Variants in TGIF1 observed in about 807,000 individuals in gnomAD.
TGIF1 encodes the protein TGFB induced factor homeobox 1, also known as homeobox protein TGIF1.
In TGIF1, 4 loss-of-function variants were observed where a neutral mutation model predicts 19.3. The observed-to-expected ratio is 0.21, with a 90% CI of 0.10 to 0.47. The LOEUF is 0.47. TGIF1 is among the 20% of genes least tolerant of loss of function. TGIF1 has a pLI of 0.98. For synonymous variants in TGIF1, 122 were observed against 129.3 expected, an observed-to-expected ratio of 0.94 and a Z score of 0.38; for missense variants, 275 against 341.4, an observed-to-expected ratio of 0.81 and a Z score of 1.53.
chr18:3,440,074 G>A (rs1461437747), intron 2 of TGIF1, among the ~76,000 whole-genome samples: 1 of 151,616 alleles, frequency 6.6e-6, no homozygotes, highest in East Asian at 1.9e-4. Flanking sequence ...CCTTGAAAAG[G>A]AGCTCTACTA....
Position 3,454,895 on chromosome 18 carries a change from T to G in TGIF1, c.17-1459T>G, listed in dbSNP as rs552517406. On this transcript the variant is annotated intron_variant, in intron 1 of 2. Coordinates refer to ENST00000343820, the MANE Select transcript of TGIF1 (RefSeq NM_003244.4). ...CCTTCTGCCCCCTGCAGTCCAAAACTAAAAATGTGTCACCAAGTCAGAGTC... is the reference window on the plus strand; with the variant it reads ...CCTTCTGCCCCCTGCAGTCCAAAACGAAAAATGTGTCACCAAGTCAGAGTC... Among the ~76,000 whole-genome samples the G allele has an allele frequency of 3.3e-5, 5 of 152,280 alleles. No homozygotes were observed. The South Asian group carries it at 1.0e-3, about 32-fold the overall frequency.
chr18:3,431,222 G>A lies in TGIF1; in HGVS notation c.-45+13007G>A, dbSNP rs553911695. Reference sequence around the variant, plus strand: ...AGCACTTCGGGAGGCCGAGGCAGGCGGATAACCTGAGGTCAGGAGTTCAAG... The same window carrying A: ...AGCACTTCGGGAGGCCGAGGCAGGCAGATAACCTGAGGTCAGGAGTTCAAG... On this transcript the variant is annotated intron_variant, in intron 2 of 3. Transcript: ENST00000401449. 7.6e-4 allele frequency among the ~76,000 whole-genome samples: 115 copies of A among 152,232 alleles called. No homozygotes were observed. In the South Asian group the frequency reaches 0.011, roughly 15 times the overall value.
chr18:3,421,788 G>GTC (rs1286634005), intron 2 of TGIF1, among the ~76,000 whole-genome samples: 6 of 152,038 alleles, frequency 3.9e-5, no homozygotes, highest in Non-Finnish European at 7.4e-5. Context: ...GCAACCTCAG[G>GTC]CAGGTCCTTC....
chr18:3,422,703 T>G, intron 2 of TGIF1, among the ~76,000 whole-genome samples: 1 of 143,390 alleles, frequency 7.0e-6, no homozygotes, highest in Non-Finnish European at 1.5e-5. Context: ...TTTTTTTTTT[T>G]TTTTTGAGAC....
intron 2 of TGIF1, among the ~76,000 whole-genome samples, chr18:3,441,909 G>T (rs1233971187): frequency 6.6e-6 from 1 of 152,122 alleles, no homozygotes; most frequent in Non-Finnish European, 1.5e-5. Context: ...ATATTTGGAA[G>T]GCTTCCCCAG....
In TGIF1 at chr18:3,450,255, G is replaced by A; in HGVS notation, c.-235G>A. On this transcript the variant is annotated 5_prime_UTR_variant, in exon 1 of 3. Transcript: ENST00000343820. ...AGGGGAGAGAGTTGGGCGAGGGAGA[G>A]CCCCCGGCCGGCTGCCAGAAGATCC... 2.8e-6 allele frequency: 4 copies of A among 1,430,684 alleles called. No individual in the cohort carries two copies. In the Admixed American group the frequency reaches 8.6e-5, roughly 31 times the overall value. 88.6% of individuals were successfully genotyped at this position (1,430,684 alleles called of 1,614,324 possible).
At chr18:3,440,590 G>A (rs1469072770) in intron 2 of TGIF1, among the ~76,000 whole-genome samples, 2 of 152,072 alleles carry the variant, frequency 1.3e-5, no homozygotes, top group African/African-American at 4.8e-5. Context: ...ACCACTTTCC[G>A]CCCCGATTAG....
At position 3,451,930 on chromosome 18, in the gene TGIF1, C is replaced by CT. The variant is rs1308149590; in HGVS notation, c.16+1426dup. The CT allele has an allele frequency of 3.9e-6, 6 of 1,540,744 alleles. No homozygotes were observed. The highest frequency in any genetic ancestry group is 5.3e-6 in the Non-Finnish European group (6 of 1,142,748). On this transcript the variant is annotated intron_variant, in intron 1 of 2. Transcript: ENST00000343820. The surrounding 1 kb of genome is among the most constrained non-coding windows in gnomAD (Gnocchi z 5.4). ...TGACAGGTCTAGAGACACGCGCTGTCTGTTGTGGTGGGCCTCCCGGGAATA... is the reference window on the plus strand; with the variant it reads ...TGACAGGTCTAGAGACACGCGCTGTCTTGTTGTGGTGGGCCTCCCGGGAATA...
chr18:3,441,801 C>G (rs2082679906), intron 2 of TGIF1, among the ~76,000 whole-genome samples: 1 of 151,962 alleles, frequency 6.6e-6, no homozygotes, highest in Non-Finnish European at 1.5e-5. Flanking sequence ...AATCTAAATC[C>G]CCATTATATT....
intron 1 of TGIF1, among the ~76,000 whole-genome samples, chr18:3,450,741 A>AG (rs2082887515): frequency 6.6e-6 from 1 of 152,194 alleles, no homozygotes. Flanking sequence ...GCACGTTGTC[A>AG]AGAAACACGC....
chr18:3,418,090 C>G (rs982421040), intron 1 of TGIF1: 2 of 152,088 alleles, frequency 1.3e-5, no homozygotes, highest in African/African-American at 4.8e-5. Context: ...TACAATGAAG[C>G]TGTACTCCAC....
At position 3,451,633 on chromosome 18, in the gene TGIF1, G is replaced by T. The variant is rs1236125747; in HGVS notation, c.16+1128G>T. 1 of 1,111,924 alleles carries T rather than the reference G, an allele frequency of 9.0e-7. No homozygotes were observed. The highest frequency in any genetic ancestry group is 1.1e-6 in the Non-Finnish European group (1 of 912,124). 68.9% of individuals were successfully genotyped at this position (1,111,924 alleles called of 1,614,324 possible). A position where few individuals can be genotyped will look rare whatever the true frequency, so the allele number is the denominator to read the frequency against. ...CGGCCCGCTGCGGGGCGTTCCTGGG[G>T]GGTAGCCTCAAGGCCAGCGGGGTTC... On this transcript the variant is annotated intron_variant, in intron 1 of 2. Transcript: ENST00000343820. The surrounding 1 kb of genome is among the most constrained non-coding windows in gnomAD (Gnocchi z 5.4).
chr18:3,453,089 G>A (rs1261089256), intron 1 of TGIF1, among the ~76,000 whole-genome samples: 1 of 152,100 alleles, frequency 6.6e-6, no homozygotes, highest in Non-Finnish European at 1.5e-5. Flanking sequence ...CTTCTCCCAA[G>A]GAGATACTGA....
intron 2 of TGIF1, among the ~76,000 whole-genome samples, chr18:3,431,423 C>T (rs1402341342): frequency 1.3e-5 from 2 of 151,348 alleles, no homozygotes; most frequent in African/African-American, 4.9e-5. Context: ...GCGACAGGAG[C>T]GAGACTGTGT....
upstream of TGIF1, chr18:3,449,500 CG>C (rs1568044850): frequency 1.0e-6 from 1 of 985,490 alleles, no homozygotes; most frequent in African/African-American, 1.7e-5. Flanking sequence ...AGCTTTAGCC[CG>C]GGGGAACAGA....
intron 2 of TGIF1, among the ~76,000 whole-genome samples, chr18:3,419,849 T>C (rs941533727): frequency 6.6e-6 from 1 of 151,750 alleles, no homozygotes; most frequent in African/African-American, 2.4e-5. Context: ...CTACTAAAAA[T>C]ACAAAAATTA....
At chr18:3,444,505 C>T (rs984379242) in intron 2 of TGIF1, among the ~76,000 whole-genome samples, 1 of 152,060 alleles carries the variant, frequency 6.6e-6, no homozygotes, top group Non-Finnish European at 1.5e-5. Flanking sequence ...TCTTTGTGTT[C>T]GTAAGTTCTT....
upstream of TGIF1, among the ~76,000 whole-genome samples, chr18:3,445,213 C>T (rs1018833528): frequency 6.6e-6 from 1 of 152,116 alleles, no homozygotes; most frequent in Non-Finnish European, 1.5e-5. Context: ...TAGGCCTAGC[C>T]TTGACTGGTG....
At chr18:3,453,410 G>C (rs1200819498) in intron 1 of TGIF1, among the ~76,000 whole-genome samples, 4 of 152,090 alleles carry the variant, frequency 2.6e-5, no homozygotes, top group Admixed American at 2.6e-4. Flanking sequence ...TGCAGGGCTG[G>C]GCGCGGTGGT....
Sources: gnomAD v4.1 joint callset for allele counts (sites outside exome capture counted in the v4.1 genomes callset) on GRCh38, gnomAD v4.1.1 for gene constraint, Gnocchi (gnomAD v3.1) non-coding constraint, MANE v1.5 for transcripts, NCBI Gene and HGNC (gene_info 2026-07-23, HGNC 2026-07-21) for gene names.